Variants in NLGN1 observed in about 807,000 individuals in gnomAD.
NLGN1 encodes the protein neuroligin-1.
In NLGN1, 12 loss-of-function variants were observed where a neutral mutation model predicts 65.5. The ratio of observed to expected loss-of-function variants is 0.18; its 90% CI spans 0.12 to 0.30. The LOEUF is 0.30. NLGN1 is among the 10% of genes least tolerant of loss of function. NLGN1 has a pLI of 1.00. For missense variants in NLGN1, 750 were observed against 1,007.1 expected (o/e 0.74, Z 3.46); for synonymous variants, 350 against 359.5 (o/e 0.97, Z 0.30).
At chr3:173,589,273 A>G (rs543631213) in intron 2 of NLGN1, among the ~76,000 whole-genome samples, 16 of 152,324 alleles carry the variant, frequency 1.1e-4, no homozygotes, top group African/African-American at 3.6e-4. Context: ...ATATTAGTTC[A>G]CTTGTGACAG....
At chr3:173,577,842 G>A (rs1021804) in intron 2 of NLGN1, among the ~76,000 whole-genome samples, 73,736 of 151,636 alleles carry the variant, frequency 0.49, 18,221 homozygotes, top group East Asian at 0.73. Flanking sequence ...ACAGATTAAT[G>A]TGTAGATAGA....
intron 2 of NLGN1, among the ~76,000 whole-genome samples, chr3:173,485,225 T>G (rs956277482): frequency 6.6e-6 from 1 of 151,178 alleles, no homozygotes; most frequent in Non-Finnish European, 1.5e-5. Context: ...CATGATTCAG[T>G]CATCTCCCAC....
chr3:174,019,529 T>G (rs1560855833), intron 4 of NLGN1, among the ~76,000 whole-genome samples: 1 of 152,166 alleles, frequency 6.6e-6, no homozygotes, highest in Non-Finnish European at 1.5e-5. Flanking sequence ...TGTTCTGTTA[T>G]AGCAACAGAA....
chr3:174,094,746 T>C (rs1035940876), intron 4 of NLGN1, among the ~76,000 whole-genome samples: 1 of 88,906 alleles, frequency 1.1e-5, no homozygotes, highest in East Asian at 3.1e-4. Flanking sequence ...TTGGCTCCGC[T>C]AAAAAAAAAA....
At chr3:173,944,492 A>T (rs1246846883) in intron 4 of NLGN1, among the ~76,000 whole-genome samples, 1 of 152,124 alleles carries the variant, frequency 6.6e-6, no homozygotes, top group East Asian at 1.9e-4. Flanking sequence ...AGTTGACTGG[A>T]TGAAATGTTA....
At chr3:173,507,897 C>T (rs532465222) in intron 2 of NLGN1, among the ~76,000 whole-genome samples, 2 of 152,174 alleles carry the variant, frequency 1.3e-5, no homozygotes, top group African/African-American at 4.8e-5. Context: ...AGTTTTGTGA[C>T]CCTAGACAAT....
At chr3:174,073,284 A>T (rs1301232319) in intron 4 of NLGN1, among the ~76,000 whole-genome samples, 1 of 152,134 alleles carries the variant, frequency 6.6e-6, no homozygotes, top group Admixed American at 6.6e-5. Flanking sequence ...AAGTTTGTGT[A>T]CAACTTCTAC....
intron 4 of NLGN1, among the ~76,000 whole-genome samples, chr3:173,826,797 A>G (rs1721419786): frequency 6.6e-6 from 1 of 152,086 alleles, no homozygotes; most frequent in South Asian, 2.1e-4. Flanking sequence ...GCATTCTCCC[A>G]TCTATTGAAC....
chr3:174,157,823 T>C (rs1280755132), intron 4 of NLGN1, among the ~76,000 whole-genome samples: 2 of 151,798 alleles, frequency 1.3e-5, no homozygotes, highest in Non-Finnish European at 2.9e-5. Flanking sequence ...GATAAAAGTT[T>C]AGAAGCAGCA....
chr3:173,758,476 A>C (rs1175194323), intron 3 of NLGN1, among the ~76,000 whole-genome samples: 1 of 151,954 alleles, frequency 6.6e-6, no homozygotes, highest in East Asian at 1.9e-4. Flanking sequence ...ACTGCTTTTA[A>C]CTCCCAGATC....
chr3:173,726,421 T>C (rs903021454), intron 3 of NLGN1, among the ~76,000 whole-genome samples: 2 of 152,074 alleles, frequency 1.3e-5, no homozygotes, highest in African/African-American at 4.8e-5. Flanking sequence ...TACCAGTATC[T>C]TTCCATCATC....
chr3:174,189,064 C>T (rs551708605), intron 4 of NLGN1, among the ~76,000 whole-genome samples: 1 of 152,090 alleles, frequency 6.6e-6, no homozygotes, highest in South Asian at 2.1e-4. Flanking sequence ...ACTTCAGAAT[C>T]TTGAAGTGCC....
chr3:174,287,949 T>C (rs554825794), downstream of NLGN1, among the ~76,000 whole-genome samples: 2 of 151,688 alleles, frequency 1.3e-5, no homozygotes, highest in South Asian at 2.1e-4. Flanking sequence ...ATTAGTCATT[T>C]CTTCTTTCAA....
At chr3:173,429,517 G>A (rs1156961837) in intron 1 of NLGN1, among the ~76,000 whole-genome samples, 1 of 152,094 alleles carries the variant, frequency 6.6e-6, no homozygotes, top group African/African-American at 2.4e-5. Context: ...GTCTTTTCGT[G>A]GAGGTCATGG....
intron 4 of NLGN1, among the ~76,000 whole-genome samples, chr3:173,824,664 T>C (rs981295034): frequency 3.9e-5 from 6 of 152,094 alleles, no homozygotes; most frequent in Non-Finnish European, 8.8e-5. Flanking sequence ...TTCTTTTTTC[T>C]TTTATAAAAG....
At chr3:173,901,467 T>C (rs2172212) in intron 4 of NLGN1, among the ~76,000 whole-genome samples, 21,100 of 151,626 alleles carry the variant, frequency 0.14, 2,107 homozygotes, top group East Asian at 0.42. Context: ...GTTTACAATC[T>C]CATTTTGGAG....
At chr3:173,731,801 A>T (rs888306252) in intron 3 of NLGN1, among the ~76,000 whole-genome samples, 4 of 152,062 alleles carry the variant, frequency 2.6e-5, no homozygotes, top group Admixed American at 2.6e-4. Context: ...AGATGTGCAA[A>T]ATGAGATGGA....
intron 4 of NLGN1, among the ~76,000 whole-genome samples, chr3:173,937,351 A>G (rs757935540): frequency 6.6e-6 from 1 of 152,084 alleles, no homozygotes; most frequent in Non-Finnish European, 1.5e-5. Flanking sequence ...TGAGATATAT[A>G]CAAATAGAAC....
rs1284788886 is a variant in NLGN1, at chr3:174,246,495, T to C, written c.647-28820T>C. Among the ~76,000 whole-genome samples the C allele has an allele frequency of 2.0e-5, 3 of 152,160 alleles. No individual in the cohort carries two copies. In the South Asian group the frequency reaches 6.2e-4, roughly 32 times the overall value. The stretch of plus-strand genomic sequence containing the variant: ...AATGCGTGGCCTGATCACAGCTCAC[T>C]GCAAACTCAAACTCTTGGGCTTAAG... On this transcript the variant is annotated intron_variant, in intron 4 of 6. Transcript: ENST00000457714.
Sources: gnomAD v4.1 joint callset for allele counts (sites outside exome capture counted in the v4.1 genomes callset) on GRCh38, gnomAD v4.1.1 for gene constraint, MANE v1.5 for transcripts, NCBI Gene and HGNC (gene_info 2026-07-23, HGNC 2026-07-21) for gene names.